Variants in ATP8A2 observed in about 807,000 individuals in gnomAD.
The protein encoded by ATP8A2 is phospholipid-transporting ATPase IB.
ATP8A2 carries 100 observed loss-of-function variants against 165.6 expected under a neutral mutation model. The ratio of observed to expected loss-of-function variants is 0.60; its 90% CI spans 0.51 to 0.71. The LOEUF (loss-of-function observed/expected upper bound fraction) is 0.71, where lower values mean the gene tolerates loss of function less well. ATP8A2 is among the 30% of genes least tolerant of loss of function. ATP8A2 has a pLI of 0.00. For synonymous variants in ATP8A2, 543 were observed against 548.8 expected (o/e 0.99, Z 0.15); for missense variants, 1,227 against 1,479.5 (o/e 0.83, Z 2.80).
chr13:25,968,887 G>A (rs1023561019), intron 35 of ATP8A2, among the ~76,000 whole-genome samples: 1 of 151,960 alleles, frequency 6.6e-6, no homozygotes, highest in Non-Finnish European at 1.5e-5. Flanking sequence ...TAAGACTGGG[G>A]GTTTTATTGG....
chr13:25,882,662 G>A (rs1293023397), intron 33 of ATP8A2, among the ~76,000 whole-genome samples: 3 of 152,252 alleles, frequency 2.0e-5, no homozygotes, highest in Non-Finnish European at 2.9e-5. Context: ...AACCCCATGC[G>A]GCATGCTGGG....
At chr13:25,549,169 TCCGGGCCCGG>T (rs993313173) in intron 10 of ATP8A2, among the ~76,000 whole-genome samples, 23 of 152,092 alleles carry the variant, frequency 1.5e-4, no homozygotes, top group African/African-American at 5.5e-4. Flanking sequence ...CTCTTAAAAG[TCCGGGCCCGG>T]CCGGGCGCGG....
rs1331378673 is a variant in ATP8A2 at position 26,024,257 on chromosome 13, C to T, written c.*4272C>T. ...GGGCCCAAGACCCCCATAATGACAT[C>T]ATTAGGCATTCTTGAAAGGTGTTAA... On this transcript the variant is annotated 3_prime_UTR_variant, in exon 37 of 37. Transcript: ENST00000381655. 6.6e-6 allele frequency: 1 copy of T among 152,086 alleles called. No homozygotes were observed. Among genetic ancestry groups the T allele is most frequent in the East Asian group, 1.9e-4 (1 of 5,178 alleles). The allele number at this position is 152,086 out of a possible 1,614,324, so 9.4% of individuals were successfully genotyped here.
chr13:25,991,028 T>C (rs567426286), intron 35 of ATP8A2, among the ~76,000 whole-genome samples: 1 of 152,290 alleles, frequency 6.6e-6, no homozygotes, highest in South Asian at 2.1e-4. Flanking sequence ...GTGCTGGGGC[T>C]GTCATTCAAA....
chr13:25,848,245 A>G (rs1951919102), intron 30 of ATP8A2, among the ~76,000 whole-genome samples: 1 of 152,220 alleles, frequency 6.6e-6, no homozygotes, highest in Admixed American at 6.5e-5. Context: ...TGCCTGCTTC[A>G]TTTCAACACA....
At chr13:25,993,424 A>G (rs1262455853) in intron 35 of ATP8A2, among the ~76,000 whole-genome samples, 1 of 152,222 alleles carries the variant, frequency 6.6e-6, no homozygotes, top group Non-Finnish European at 1.5e-5. Flanking sequence ...AGAAGGAAAT[A>G]AAGGGTATTC....
At chr13:25,970,567 G>A (rs1346296480) in intron 35 of ATP8A2, among the ~76,000 whole-genome samples, 1 of 152,230 alleles carries the variant, frequency 6.6e-6, no homozygotes, top group African/African-American at 2.4e-5. Flanking sequence ...GCTACCTACC[G>A]GTGAGGCCTT....
chr13:25,760,005 A>G (rs866507599), intron 25 of ATP8A2, among the ~76,000 whole-genome samples: 30 of 152,306 alleles, frequency 2.0e-4, no homozygotes, highest in African/African-American at 7.0e-4. Flanking sequence ...ACCCCCAAGC[A>G]AAGTATCCTT....
Position 26,020,078 on chromosome 13 carries a change from G to A in ATP8A2, c.*93G>A. The A allele has an allele frequency of 1.1e-6, 1 of 894,294 alleles. No individual in the cohort carries two copies. The highest frequency in any genetic ancestry group is 1.8e-6 in the Non-Finnish European group (1 of 557,632). The allele number at this position is 894,294 out of a possible 1,614,324, so 55.4% of individuals were successfully genotyped here. A position where few individuals can be genotyped will look rare whatever the true frequency, so the allele number is the denominator to read the frequency against. On this transcript the variant is annotated 3_prime_UTR_variant, in exon 37 of 37. Coordinates refer to ENST00000381655, the MANE Select transcript of ATP8A2 (RefSeq NM_016529.6). ...TTGTCAGAGAAGACTGGCGTCAGCA[G>A]CCAAAACACCAGGAAACACATTTCT...
chr13:26,025,130 AAAAAAAAGGAAGAAAAG>A lies in ATP8A2; in HGVS notation c.*5157_*5173del, dbSNP rs1957144512. 1 of 151,778 alleles carries A rather than the reference AAAAAAAAGGAAGAAAAG, an allele frequency of 6.6e-6. No homozygotes were observed. The highest frequency in any genetic ancestry group is 2.4e-5 in the African/African-American group (1 of 41,324). 9.4% of individuals were successfully genotyped at this position (151,778 alleles called of 1,614,324 possible). ...ACCAACAACAACAAAAAAAAAAAAA[AAAAAAAAGGAAGAAAAG>A]AAAAAAAGGAAACCAGCCCTGTCAT... On this transcript the variant is annotated 3_prime_UTR_variant, in exon 37 of 37. Transcript: ENST00000381655.
intron 2 of ATP8A2, among the ~76,000 whole-genome samples, chr13:25,503,834 A>G (rs541753762): frequency 5.5e-4 from 83 of 152,212 alleles, no homozygotes; most frequent in Non-Finnish European, 9.6e-4. Flanking sequence ...GGCATTTGGT[A>G]GGTAGAGGCA....
intron 21 of ATP8A2, 54 bp downstream of exon 21, chr13:25,578,953 A>C (rs367701379): frequency 2.5e-6 from 3 of 1,191,512 alleles, no homozygotes; most frequent in Admixed American, 3.4e-5. Context: ...ACTTTCAAGC[A>C]TGTTGTCTTG....
chr13:25,613,441 G>A (rs1457994797), intron 24 of ATP8A2, among the ~76,000 whole-genome samples: 1 of 152,138 alleles, frequency 6.6e-6, no homozygotes, highest in East Asian at 1.9e-4. Context: ...TGGTGTGGTG[G>A]TGTGCACCTG....
intron 4 of ATP8A2, among the ~76,000 whole-genome samples, chr13:25,531,307 GA>G (rs2038065090): frequency 9.0e-6 from 1 of 111,074 alleles, no homozygotes; most frequent in African/African-American, 4.1e-5. Flanking sequence ...TGTTATATAT[GA>G]TATATATGTT....
intron 25 of ATP8A2, among the ~76,000 whole-genome samples, chr13:25,765,833 C>A (rs2044479493): frequency 6.6e-6 from 1 of 152,120 alleles, no homozygotes; most frequent in Non-Finnish European, 1.5e-5. Flanking sequence ...ACCTCCCTAA[C>A]AAAAAACCAA....
At chr13:25,827,313 C>T (rs1247482495) in intron 27 of ATP8A2, among the ~76,000 whole-genome samples, 1 of 152,010 alleles carries the variant, frequency 6.6e-6, no homozygotes, top group Admixed American at 6.6e-5. Flanking sequence ...GGTTTCACCA[C>T]GTTGGCCAGG....
intron 24 of ATP8A2, among the ~76,000 whole-genome samples, chr13:25,683,174 C>G (rs2042530535): frequency 6.6e-6 from 1 of 151,964 alleles, no homozygotes; most frequent in Non-Finnish European, 1.5e-5. Context: ...ATGAAATAGA[C>G]CAGGAAACAA....
At chr13:25,373,107 T>C (rs777639250) in intron 1 of ATP8A2, among the ~76,000 whole-genome samples, 1 of 152,204 alleles carries the variant, frequency 6.6e-6, no homozygotes. Flanking sequence ...TAGGGTTACC[T>C]AGACCATTAG....
intron 11 of ATP8A2, among the ~76,000 whole-genome samples, chr13:25,552,048 G>A (rs1177153322): frequency 1.3e-5 from 2 of 152,130 alleles, no homozygotes; most frequent in Admixed American, 6.5e-5. Flanking sequence ...GTGCAGTGGT[G>A]TGATCTCGGC....
Sources: gnomAD v4.1 joint callset for allele counts (sites outside exome capture counted in the v4.1 genomes callset) on GRCh38, gnomAD v4.1.1 for gene constraint, MANE v1.5 for transcripts, NCBI Gene and HGNC (gene_info 2026-07-23, HGNC 2026-07-21) for gene names.